HSP90B1: variants seen among roughly 807,000 people sequenced by gnomAD.
HSP90B1 encodes the protein heat shock protein 90 beta family member 1.
HSP90B1 carries 27 observed loss-of-function variants against 100.4 expected under a neutral mutation model. The ratio of observed to expected loss-of-function variants is 0.27; its 90% CI spans 0.20 to 0.37. The LOEUF (loss-of-function observed/expected upper bound fraction) is 0.37, where lower values mean the gene tolerates loss of function less well. Among genes scored for constraint, HSP90B1 ranks in the 10% least tolerant of loss-of-function variants. The pLI is 1.00. For missense variants in HSP90B1, 678 were observed against 960.5 expected (o/e 0.71, Z 3.89); for synonymous variants, 304 against 330.8 (o/e 0.92, Z 0.88).
intron 11 of HSP90B1, 150 bp from the exon 12 acceptor site, chr12:103,942,377 A>G (rs907544633): frequency 4.3e-6 from 3 of 693,094 alleles, no homozygotes; most frequent in Non-Finnish European, 4.8e-6. Flanking sequence ...CCCAATCTGA[A>G]TGAATTGGAG....
chr12:103,942,497 T>C (rs1171926879), intron 11 of HSP90B1, 30 bp from the exon 12 acceptor site: 3 of 1,604,392 alleles, frequency 1.9e-6, no homozygotes, highest in Admixed American at 3.4e-5. Flanking sequence ...GATTAACTTC[T>C]CTAATCAGTT....
rs865844557 is a variant in HSP90B1, at chr12:103,932,354, C to G, written c.230C>G (p.Ala77Gly). The stretch of plus-strand genomic sequence containing the variant: ...CTTAGAGAGAAGTCGGAAAAGTTTG[C>G]CTTCCAAGCCGAAGTTAACAGAATG... ...RELREKSEKF[A>G]FQAEVNRMMK... The change falls in exon 3 of 18, where the codon GCC becomes GGC. Residue 77 changes from alanine (A) to glycine (G), a missense_variant. Physicochemically the swap from Ala to Gly is moderately conservative, Grantham distance 60 (BLOSUM62 0). This residue lies in a region of HSP90B1 where 88 missense variants were observed against 88.2 expected (regional missense o/e 1.00). Transcript: ENST00000299767. 4 of 1,613,022 alleles carry G rather than the reference C, an allele frequency of 2.5e-6. No homozygotes were observed. Among genetic ancestry groups the G allele is most frequent in the Non-Finnish European group, 3.4e-6 (4 of 1,179,342 alleles).
At chr12:103,932,774 C>T (rs1239891813) in intron 3 of HSP90B1, 52 bp from the exon 4 acceptor site, 53 of 933,718 alleles carry the variant, frequency 5.7e-5, no homozygotes, top group Admixed American at 9.1e-5. Context: ...AATCGAATAT[C>T]TTAATGCATC....
chr12:103,942,866 G>A, intron 12 of HSP90B1, 70 bp downstream of exon 12: 1 of 1,553,656 alleles, frequency 6.4e-7, no homozygotes, highest in East Asian at 2.2e-5. Flanking sequence ...AACTCTTGAG[G>A]GGGAGAAAAG....
chr12:103,937,889 C>T (rs1038482872), intron 6 of HSP90B1, 83 bp downstream of exon 6: 36 of 715,500 alleles, frequency 5.0e-5, no homozygotes, highest in South Asian at 3.0e-4. Flanking sequence ...GAAGGCAGGC[C>T]GGCGCGGTGG....
chr12:103,938,461 T>C lies in HSP90B1; in HGVS notation c.975+2T>C. The C allele has an allele frequency of 6.2e-7, 1 of 1,609,422 alleles. No individual in the cohort carries two copies. Among genetic ancestry groups the C allele is most frequent in the Non-Finnish European group, 8.5e-7 (1 of 1,178,106 alleles). The stretch of plus-strand genomic sequence containing the variant: ...GAAAAGAAACCAAAGACTAAAAAAG[T>C]AAGTCTGGTTTATCTCCCTGCATAA... On this transcript the variant is annotated splice_donor_variant, in intron 7 of 17. Coordinates refer to ENST00000299767, the MANE Select transcript of HSP90B1 (RefSeq NM_003299.3). LOFTEE classifies it high-confidence loss of function.
At chr12:103,931,494 A>T in intron 1 of HSP90B1, 27 bp from the exon 2 acceptor site, 1 of 1,557,124 alleles carries the variant, frequency 6.4e-7, no homozygotes, top group Non-Finnish European at 8.9e-7. Flanking sequence ...TGTGATGTTG[A>T]AGAGTTTGCC....
At chr12:103,946,242 T>C (rs1371084420) in intron 14 of HSP90B1, among the ~76,000 whole-genome samples, 1 of 152,174 alleles carries the variant, frequency 6.6e-6, no homozygotes, top group Non-Finnish European at 1.5e-5. Context: ...AAAAGTACAG[T>C]CGTCCTTAGG....
chr12:103,941,996 C>A, intron 11 of HSP90B1, 99 bp downstream of exon 11: 1 of 834,582 alleles, frequency 1.2e-6, no homozygotes, highest in Non-Finnish European at 2.0e-6. Flanking sequence ...GGGTCTGGTC[C>A]ATGATTCTTC....
At chr12:103,936,664 A>C (rs925465222) in intron 5 of HSP90B1, among the ~76,000 whole-genome samples, 1 of 150,522 alleles carries the variant, frequency 6.6e-6, no homozygotes, top group African/African-American at 2.4e-5. Flanking sequence ...TAAAATTTCT[A>C]ATGGGTGCCA....
At chr12:103,931,480 G>A in intron 1 of HSP90B1, 41 bp from the exon 2 acceptor site, 1 of 1,470,700 alleles carries the variant, frequency 6.8e-7, no homozygotes, top group South Asian at 1.1e-5. Context: ...CCTCCTTGGA[G>A]AAGTGTGATG....
intron 6 of HSP90B1, 44 bp downstream of exon 6, chr12:103,937,850 C>T (rs1399990313): frequency 1.4e-5 from 14 of 990,206 alleles, no homozygotes; most frequent in Admixed American, 1.3e-4. Context: ...TACCTTGGCA[C>T]GTATTTAAAT....
In HSP90B1 at chr12:103,943,166, C is replaced by T. The variant is rs1593491796; in HGVS notation, c.1737C>T (p.Ala579=). 1.9e-6 allele frequency: 3 copies of T among 1,613,906 alleles called. No homozygotes were observed. The South Asian group carries it at 3.3e-5, about 18-fold the overall frequency. ...CTGTGGATGAATACTGTATTCAGGC[C>T]CTTCCCGAATTTGATGGGAAGAGGT... ...TEPVDEYCIQ[A]LPEFDGKRFQ... is the part of the protein sequence containing the mutation. Residue 579 remains alanine, a synonymous_variant, in exon 13 of 18, where the codon GCC becomes GCT. Coordinates refer to ENST00000299767, the MANE Select transcript of HSP90B1 (RefSeq NM_003299.3). The surrounding 1 kb of genome is among the most constrained non-coding windows in gnomAD (Gnocchi z 5.3).
At chr12:103,931,441 G>A in intron 1 of HSP90B1, 80 bp from the exon 2 acceptor site, 4 of 1,066,906 alleles carry the variant, frequency 3.7e-6, no homozygotes, top group Non-Finnish European at 5.6e-6. Flanking sequence ...ACTGAATTTT[G>A]CAACCCCTAC....
chr12:103,941,360 C>A (rs1870072061), intron 8 of HSP90B1, 50 bp from the exon 9 acceptor site: 5 of 1,588,040 alleles, frequency 3.1e-6, no homozygotes, highest in Non-Finnish European at 4.3e-6. Context: ...AGTTCTTGCA[C>A]TGCTTTTCTC....
intron 14 of HSP90B1, among the ~76,000 whole-genome samples, chr12:103,945,154 ACAAAT>A (rs141809015): frequency 0.061 from 9,226 of 152,240 alleles, 462 homozygotes; most frequent in East Asian, 0.21. Flanking sequence ...AGTGAAAATG[ACAAAT>A]CAAAGCCAGG....
At chr12:103,935,649 T>C (rs1869891778) in intron 5 of HSP90B1, among the ~76,000 whole-genome samples, 1 of 152,204 alleles carries the variant, frequency 6.6e-6, no homozygotes, top group African/African-American at 2.4e-5. Context: ...TACCTTCCCC[T>C]GCCTTCGTCA....
At chr12:103,940,119 C>G (rs1165686) in intron 8 of HSP90B1, among the ~76,000 whole-genome samples, 151,296 of 152,332 alleles carry the variant, frequency 0.99, 75,135 homozygotes, top group Middle Eastern at 1. Context: ...GCATCTGTAG[C>G]CTTCACCAGC....
At position 103,942,691 on chromosome 12, in the gene HSP90B1, G is replaced by T; in HGVS notation, c.1539G>T (p.Gln513His). 4 of 1,613,952 alleles carry T rather than the reference G, an allele frequency of 2.5e-6. No homozygotes were observed. Among genetic ancestry groups the T allele is most frequent in the Non-Finnish European group, 3.4e-6 (4 of 1,179,836 alleles). Residue 513 changes from glutamine (Q) to histidine (H), a missense_variant, in exon 12 of 18, where the codon CAG becomes CAT. Around this residue, in one of 8 missense-constraint regions of HSP90B1, gnomAD observed 170 missense variants for 236.7 expected, o/e 0.72. Coordinates refer to ENST00000299767, the MANE Select transcript of HSP90B1 (RefSeq NM_003299.3). ...GTCTTGCTAAACTTCTTAGGTTCCA[G>T]TCTTCTCATCATCCAACTGACATTA... ...RTRLAKLLRF[Q>H]SSHHPTDITS...
Sources: allele counts gnomAD v4.1 joint callset (sites outside exome capture counted in the v4.1 genomes callset), GRCh38; gene constraint gnomAD v4.1.1; regional missense constraint gnomAD v4.1.1; non-coding constraint Gnocchi (gnomAD v3.1); transcripts MANE v1.5; gene names NCBI Gene and HGNC (gene_info 2026-07-23, HGNC 2026-07-21).